Variants in MTHFD2L observed in about 807,000 individuals in gnomAD.
MTHFD2L encodes methylenetetrahydrofolate dehydrogenase (NADP+ dependent) 2 like.
Under a neutral mutation model 34.9 loss-of-function variants are expected in MTHFD2L, and 29 were observed. The observed-to-expected ratio is 0.83, with a 90% CI of 0.62 to 1.13. The LOEUF (loss-of-function observed/expected upper bound fraction) is 1.13, where lower values mean the gene tolerates loss of function less well. Among genes scored for constraint, MTHFD2L ranks in the 50% most tolerant of loss-of-function variants. The probability of loss-of-function intolerance (pLI) is 0.00; values close to 1 mark genes in which losing one functional copy is unlikely to be tolerated. For missense variants in MTHFD2L, 481 were observed against 446.5 expected (o/e 1.08, Z -0.70); for synonymous variants, 167 against 155.7 (o/e 1.07, Z -0.54).
At chr4:74,181,364 AT>A (rs1212371142) in intron 3 of MTHFD2L, among the ~76,000 whole-genome samples, 3 of 152,194 alleles carry the variant, frequency 2.0e-5, no homozygotes, top group Non-Finnish European at 4.4e-5. Context: ...GAAGTGCTTT[AT>A]ATACAATAAA....
chr4:74,152,645 AG>A (rs1165484447), intron 1 of MTHFD2L, among the ~76,000 whole-genome samples: 1 of 152,072 alleles, frequency 6.6e-6, no homozygotes, highest in Non-Finnish European at 1.5e-5. Flanking sequence ...TGCATGCATT[AG>A]GTATTTATCC....
At chr4:74,293,554 C>T (rs933184837) in intron 7 of MTHFD2L, 1 of 977,524 alleles carries the variant, frequency 1.0e-6, no homozygotes, top group African/African-American at 1.8e-5. Context: ...ATTCAGCAAC[C>T]AGATGAATGT....
At chr4:74,148,417 T>C (rs1369689534) in intron 1 of MTHFD2L, among the ~76,000 whole-genome samples, 1 of 151,258 alleles carries the variant, frequency 6.6e-6, no homozygotes, top group East Asian at 1.9e-4. Flanking sequence ...AGACAGAGTT[T>C]TGCTCTGTTG....
chr4:74,124,565 G>C (rs1252944986), upstream of MTHFD2L, among the ~76,000 whole-genome samples: 1 of 151,812 alleles, frequency 6.6e-6, no homozygotes, highest in African/African-American at 2.4e-5. Flanking sequence ...TTAATTTCAA[G>C]GGTTGGTCTA....
In MTHFD2L at chr4:74,244,791, G is replaced by A. The variant is rs539601730; in HGVS notation, c.805+19397G>A. 9.2e-5 allele frequency among the ~76,000 whole-genome samples: 14 copies of A among 152,094 alleles called. No individual in the cohort carries two copies. In the East Asian group the frequency reaches 2.7e-3, roughly 29 times the overall value. Reference sequence around the variant, plus strand: ...AAGAAACTATCACTTGTCAAGTTTTGGTATAGAATCAAAGAAAGATATCCA... The same window carrying A: ...AAGAAACTATCACTTGTCAAGTTTTAGTATAGAATCAAAGAAAGATATCCA... On this transcript the variant is annotated intron_variant, in intron 6 of 7. Coordinates refer to ENST00000325278, the MANE Select transcript of MTHFD2L (RefSeq NM_001144978.3).
chr4:74,247,762 C>G (rs372576814), intron 6 of MTHFD2L, among the ~76,000 whole-genome samples: 2 of 152,014 alleles, frequency 1.3e-5, no homozygotes, highest in Non-Finnish European at 2.9e-5. Flanking sequence ...CTTTGGTTCT[C>G]TTGATATGCT....
intron 1 of MTHFD2L, among the ~76,000 whole-genome samples, chr4:74,147,682 TTTTGTTTG>T (rs150712696): frequency 1.3e-5 from 2 of 152,112 alleles, no homozygotes; most frequent in Non-Finnish European, 2.9e-5. Context: ...ACACTTGTTA[TTTTGTTTG>T]TTTGTTTGTT....
intron 5 of MTHFD2L, among the ~76,000 whole-genome samples, chr4:74,223,818 A>G (rs949853369): frequency 2.6e-5 from 4 of 151,952 alleles, no homozygotes; most frequent in African/African-American, 9.7e-5. Flanking sequence ...AAAAATTTGC[A>G]TATGGTAAAA....
At chr4:74,269,139 C>G (rs760352591) in intron 6 of MTHFD2L, among the ~76,000 whole-genome samples, 3 of 152,128 alleles carry the variant, frequency 2.0e-5, no homozygotes, top group Non-Finnish European at 4.4e-5. Flanking sequence ...AATCTTCTTA[C>G]TAAGTTTCCC....
At chr4:74,234,763 T>C (rs1337437033) in intron 6 of MTHFD2L, among the ~76,000 whole-genome samples, 1 of 151,812 alleles carries the variant, frequency 6.6e-6, no homozygotes, top group Non-Finnish European at 1.5e-5. Flanking sequence ...TATGTATGTA[T>C]ATGTACATGT....
intron 1 of MTHFD2L, among the ~76,000 whole-genome samples, chr4:74,132,802 A>C (rs563911494): frequency 6.6e-6 from 1 of 152,188 alleles, no homozygotes; most frequent in Admixed American, 6.6e-5. Flanking sequence ...AATTTTTATT[A>C]TATCAGTTCG....
chr4:74,138,126 C>T (rs1051282680), intron 1 of MTHFD2L, among the ~76,000 whole-genome samples: 11 of 151,590 alleles, frequency 7.3e-5, no homozygotes, highest in Middle Eastern at 3.4e-3. Context: ...TTCGGCCTTA[C>T]CTTTCAAAAA....
intron 2 of MTHFD2L, among the ~76,000 whole-genome samples, chr4:74,116,776 T>C (rs1392801486): frequency 6.6e-6 from 1 of 152,262 alleles, no homozygotes. Context: ...CATGATTTTA[T>C]GAAAAGTTTT....
intron 1 of MTHFD2L, among the ~76,000 whole-genome samples, chr4:74,168,663 T>C (rs1226992150): frequency 1.3e-5 from 2 of 152,208 alleles, no homozygotes; most frequent in Non-Finnish European, 2.9e-5. Flanking sequence ...TTTCAATATA[T>C]ATTTGTTAAG....
At chr4:74,166,228 T>C (rs974299113) in intron 1 of MTHFD2L, among the ~76,000 whole-genome samples, 1 of 152,214 alleles carries the variant, frequency 6.6e-6, no homozygotes, top group African/African-American at 2.4e-5. Flanking sequence ...AAGTCTGAAA[T>C]CAAAGTATCT....
chr4:74,131,462 G>A (rs1004719441), intron 1 of MTHFD2L, among the ~76,000 whole-genome samples: 8 of 151,668 alleles, frequency 5.3e-5, no homozygotes, highest in African/African-American at 7.2e-5. Context: ...TTTGACAAAC[G>A]ATAAAAATAA....
chr4:74,193,577 CT>C (rs748767592), intron 3 of MTHFD2L, among the ~76,000 whole-genome samples: 16 of 152,038 alleles, frequency 1.1e-4, no homozygotes, highest in Non-Finnish European at 1.5e-4. Flanking sequence ...CATGGTATGC[CT>C]TTTATTTATT....
At chr4:74,299,802 G>A (rs1750067672) in intron 7 of MTHFD2L, among the ~76,000 whole-genome samples, 1 of 152,046 alleles carries the variant, frequency 6.6e-6, no homozygotes, top group South Asian at 2.1e-4. Context: ...AGATGCTGAT[G>A]TCTAGTTAAG....
chr4:74,265,814 A>G (rs764251105), intron 6 of MTHFD2L, among the ~76,000 whole-genome samples: 11 of 152,244 alleles, frequency 7.2e-5, no homozygotes, highest in Non-Finnish European at 8.8e-5. Flanking sequence ...AATATTCTCT[A>G]TATCAACATT....
Sources: allele counts gnomAD v4.1 joint callset (sites outside exome capture counted in the v4.1 genomes callset), GRCh38; gene constraint gnomAD v4.1.1; transcripts MANE v1.5; gene names NCBI Gene and HGNC (gene_info 2026-07-23, HGNC 2026-07-21).